TPH2: variants seen among roughly 807,000 people sequenced by gnomAD.
TPH2 encodes the protein tryptophan hydroxylase 2.
TPH2 carries 27 observed loss-of-function variants against 59.1 expected under a neutral mutation model. The observed-to-expected ratio is 0.46, with a 90% CI of 0.34 to 0.63. The LOEUF is 0.63. Ranked by LOEUF, TPH2 falls within the 30% of genes least tolerant of loss-of-function variation. TPH2 has a pLI of 0.01. For missense variants in TPH2, 523 were observed against 588.3 expected, an observed-to-expected ratio of 0.89 and a Z score of 1.15; for synonymous variants, 220 against 210.5, an observed-to-expected ratio of 1.05 and a Z score of -0.39.
intron 1 of TPH2, 56 bp downstream of exon 1, chr12:71,939,147 T>G: frequency 8.3e-7 from 1 of 1,209,892 alleles, no homozygotes; most frequent in Non-Finnish European, 1.2e-6. Flanking sequence ...GTGACCATCT[T>G]CTCCTCACCA....
intron 5 of TPH2, among the ~76,000 whole-genome samples, chr12:71,958,442 T>G: frequency 6.6e-6 from 1 of 152,232 alleles, no homozygotes. Context: ...TTTGTAAAAG[T>G]TATTCTCCTT....
chr12:71,993,158 A>AT (rs1456349435), intron 7 of TPH2, among the ~76,000 whole-genome samples: 1 of 152,178 alleles, frequency 6.6e-6, no homozygotes, highest in East Asian at 1.9e-4. Context: ...TGGGAATAAG[A>AT]TTTTTTGATT....
intron 5 of TPH2, among the ~76,000 whole-genome samples, chr12:71,967,756 G>A (rs2139200002): frequency 6.6e-6 from 1 of 152,236 alleles, no homozygotes; most frequent in South Asian, 2.1e-4. Flanking sequence ...ACTTTCAACT[G>A]TATTGAGTTG....
At chr12:71,957,562 C>T (rs903774730) in intron 5 of TPH2, among the ~76,000 whole-genome samples, 1 of 151,918 alleles carries the variant, frequency 6.6e-6, no homozygotes, top group Non-Finnish European at 1.5e-5. Flanking sequence ...GTCTTGAACT[C>T]TGGCCTCAAA....
rs1385435464 is a variant in TPH2, at chr12:72,031,254, G to T, written c.1165-4G>T. 13 of 1,613,184 alleles carry T rather than the reference G, an allele frequency of 8.1e-6. No individual in the cohort carries two copies. The highest frequency in any genetic ancestry group is 1.1e-5 in the Non-Finnish European group (13 of 1,179,410). ...TTTAACAGGTTTTGTGGTATATTTT[G>T]CAGCACGCCCTTTCTGACAAGGCAT... On this transcript the variant is annotated splice_polypyrimidine_tract_variant and splice_region_variant and intron_variant, in intron 9 of 10. Coordinates refer to ENST00000333850, the MANE Select transcript of TPH2 (RefSeq NM_173353.4).
At chr12:71,951,859 C>G (rs1473502954) in intron 5 of TPH2, among the ~76,000 whole-genome samples, 2 of 151,996 alleles carry the variant, frequency 1.3e-5, no homozygotes, top group Admixed American at 1.3e-4. Flanking sequence ...AACCCTGTCT[C>G]TACTGAATAT....
At chr12:71,981,771 G>C (rs1304182443) in intron 7 of TPH2, among the ~76,000 whole-genome samples, 1 of 152,038 alleles carries the variant, frequency 6.6e-6, no homozygotes, top group East Asian at 1.9e-4. Context: ...GGGGTATTTT[G>C]TCTGTGAGGT....
At chr12:71,953,573 A>G (rs928607407) in intron 5 of TPH2, among the ~76,000 whole-genome samples, 2 of 152,182 alleles carry the variant, frequency 1.3e-5, no homozygotes, top group African/African-American at 2.4e-5. Context: ...TCTAGTGCTG[A>G]TGGTTTTCTG....
chr12:72,011,515 T>G (rs1873098355), intron 8 of TPH2, among the ~76,000 whole-genome samples: 1 of 152,234 alleles, frequency 6.6e-6, no homozygotes, highest in Non-Finnish European at 1.5e-5. Flanking sequence ...CTGTAGCTGC[T>G]AATTCTGAGC....
intron 1 of TPH2, among the ~76,000 whole-genome samples, chr12:71,939,422 T>A (rs1592855651): frequency 6.8e-6 from 1 of 147,690 alleles, no homozygotes; most frequent in Non-Finnish European, 1.5e-5. Context: ...AAATGGAGTG[T>A]GAAGAATTTT....
In TPH2 at chr12:71,957,327, A is replaced by ATTTT. The variant is rs35425528; in HGVS notation, c.608+7693_608+7696dup. 8.5e-3 allele frequency among the ~76,000 whole-genome samples: 814 copies of ATTTT among 95,526 alleles called. 1 individual carries two copies. The highest frequency in any genetic ancestry group is 0.015 in the East Asian group (45 of 2,978). 62.7% of individuals were successfully genotyped at this position (95,526 alleles called of 152,430 possible). The stretch of plus-strand genomic sequence containing the variant: ...TAGGCTCATTTAAAATGAGTAAAGG[A>ATTTT]TTTTTTTTTTTTTTTTTTTTTTTTG... On this transcript the variant is annotated intron_variant, in intron 5 of 10. Transcript: ENST00000333850.
intron 6 of TPH2, among the ~76,000 whole-genome samples, chr12:71,977,091 G>A (rs997414354): frequency 2.0e-5 from 3 of 152,056 alleles, no homozygotes; most frequent in Non-Finnish European, 2.9e-5. Context: ...TTGCTCTGTT[G>A]CCCAAGCTGG....
At position 71,964,511 on chromosome 12, in the gene TPH2, C is replaced by A. The variant is rs903932607; in HGVS notation, c.609-8008C>A. The A allele has an allele frequency of 6.2e-5, 61 of 983,140 alleles. No homozygotes were observed. The South Asian group carries it at 6.6e-4, about 11-fold the overall frequency. The allele number at this position is 983,140 out of a possible 1,614,324, so 60.9% of individuals were successfully genotyped here. A position where few individuals can be genotyped will look rare whatever the true frequency, so the allele number is the denominator to read the frequency against. On this transcript the variant is annotated intron_variant, in intron 5 of 10. Transcript: ENST00000333850. ...TGCAGAATATATATATATATTCTGGCAATATTTTTCCAGTCTCAGAGGCAT... is the reference window on the plus strand; with the variant it reads ...TGCAGAATATATATATATATTCTGGAAATATTTTTCCAGTCTCAGAGGCAT...
At chr12:71,971,157 A>T (rs1385249261) in intron 5 of TPH2, among the ~76,000 whole-genome samples, 1 of 152,150 alleles carries the variant, frequency 6.6e-6, no homozygotes, top group African/African-American at 2.4e-5. Context: ...CTCATTGAAG[A>T]TGCCCCTCTC....
chr12:71,979,506 TCAC>T (rs1280717154), intron 7 of TPH2, among the ~76,000 whole-genome samples: 1 of 152,192 alleles, frequency 6.6e-6, no homozygotes, highest in East Asian at 1.9e-4. Context: ...ATCTCTTTCG[TCAC>T]CTCCAAACTC....
chr12:71,941,520 A>G, intron 1 of TPH2, 64 bp from the exon 2 acceptor site: 1 of 1,558,968 alleles, frequency 6.4e-7, no homozygotes, highest in Non-Finnish European at 8.7e-7. Context: ...GGAAAAATCT[A>G]ATTACGGAGG....
chr12:72,017,744 G>A (rs1873298367), intron 8 of TPH2, among the ~76,000 whole-genome samples: 1 of 152,138 alleles, frequency 6.6e-6, no homozygotes, highest in Non-Finnish European at 1.5e-5. Flanking sequence ...CACATCTGGA[G>A]AATTATCTGA....
In TPH2 at chr12:72,001,728, T is replaced by G. The variant is rs1872828323; in HGVS notation, c.1068+7163T>G. On this transcript the variant is annotated intron_variant, in intron 8 of 10. Transcript: ENST00000333850. ...AGAAACATAATATGTGGAGTGAATC[T>G]CCAAAAGTGATAAAAAGTTATTTTT... Among the ~76,000 whole-genome samples the G allele has an allele frequency of 3.3e-5, 5 of 152,268 alleles. No individual in the cohort carries two copies. The Middle Eastern group carries it at 0.014, about 414-fold the overall frequency.
At chr12:71,940,976 G>T (rs573300955) in intron 1 of TPH2, among the ~76,000 whole-genome samples, 4 of 152,152 alleles carry the variant, frequency 2.6e-5, no homozygotes, top group African/African-American at 9.6e-5. Context: ...TTCTGACACA[G>T]ATGGCCTTAG....
Sources: gnomAD v4.1 joint callset for allele counts (sites outside exome capture counted in the v4.1 genomes callset) on GRCh38, gnomAD v4.1.1 for gene constraint, MANE v1.5 for transcripts, NCBI Gene and HGNC (gene_info 2026-07-23, HGNC 2026-07-21) for gene names.